The following GPC5 variants were observed in gnomAD, a reference collection of about 807,000 sequenced individuals.
GPC5 encodes the protein glypican-5.
A neutral mutation model predicts 53.9 loss-of-function variants in GPC5; 47 were observed. The observed-to-expected ratio is 0.87, with a 90% confidence interval of 0.69 to 1.11. The LOEUF is 1.11. GPC5 is among the 50% of genes most tolerant of loss of function. The probability of loss-of-function intolerance (pLI) is 0.00; values close to 1 mark genes in which losing one functional copy is unlikely to be tolerated. For missense variants in GPC5, 748 were observed against 713.1 expected (o/e 1.05, Z -0.56); for synonymous variants, 286 against 263.3 (o/e 1.09, Z -0.84).
chr13:92,559,330 A>ATGTGTGTG (rs5805755), intron 7 of GPC5, among the ~76,000 whole-genome samples: 46 of 143,122 alleles, frequency 3.2e-4, no homozygotes, highest in Non-Finnish European at 3.1e-4. Flanking sequence ...TAGTGTGTAT[A>ATGTGTGTG]TGTGTGTGTG....
rs189368084 is a variant in GPC5 at position 92,205,066 on chromosome 13, G to A, written c.1561+60077G>A. ...GCTATTTTTTTGTATTTTTAGTAGA[G>A]AAGGGGTTTCACCATGTTAGCTAAG... On this transcript the variant is annotated intron_variant, in intron 7 of 7. Transcript: ENST00000377067. Among the ~76,000 whole-genome samples the A allele has an allele frequency of 4.8e-3, 730 of 152,190 alleles. 5 individuals are homozygous for A. The highest frequency in any genetic ancestry group is 0.017 in the African/African-American group (699 of 41,540).
chr13:91,489,027 C>G (rs889083403), intron 2 of GPC5, among the ~76,000 whole-genome samples: 2 of 152,178 alleles, frequency 1.3e-5, no homozygotes, highest in Non-Finnish European at 2.9e-5. Context: ...CGAGGAAATT[C>G]CCACCTAATA....
At chr13:91,982,756 A>G (rs1594704750) in intron 6 of GPC5, among the ~76,000 whole-genome samples, 2 of 152,222 alleles carry the variant, frequency 1.3e-5, no homozygotes, top group South Asian at 4.1e-4. Context: ...CACAAGATTT[A>G]GTAATAGGAG....
intron 3 of GPC5, among the ~76,000 whole-genome samples, chr13:91,700,558 T>C (rs1471241429): frequency 6.6e-6 from 1 of 152,216 alleles, no homozygotes. Context: ...AGTTTATCCT[T>C]ATGGTGAAGG....
intron 7 of GPC5, among the ~76,000 whole-genome samples, chr13:92,301,934 A>T (rs1008908078): frequency 1.3e-5 from 2 of 152,014 alleles, no homozygotes; most frequent in Non-Finnish European, 2.9e-5. Flanking sequence ...ATTAATATCG[A>T]CCACAGCTCT....
intron 7 of GPC5, among the ~76,000 whole-genome samples, chr13:92,546,763 A>C (rs1882131217): frequency 6.6e-6 from 1 of 152,206 alleles, no homozygotes; most frequent in Non-Finnish European, 1.5e-5. Context: ...CCTGACTTCA[A>C]ACTATGCTAC....
intron 2 of GPC5, among the ~76,000 whole-genome samples, chr13:91,677,398 G>T (rs994061548): frequency 7.9e-5 from 12 of 152,150 alleles, no homozygotes; most frequent in Non-Finnish European, 1.6e-4. Context: ...TATGGAATTT[G>T]GTGCCTTAGC....
intron 3 of GPC5, among the ~76,000 whole-genome samples, chr13:91,703,773 G>T (rs1286951264): frequency 6.6e-6 from 1 of 151,988 alleles, no homozygotes; most frequent in African/African-American, 2.4e-5. Flanking sequence ...CCATTCATCT[G>T]GGATTTTATA....
chr13:91,634,355 G>A (rs1432505888), intron 2 of GPC5, among the ~76,000 whole-genome samples: 1 of 151,956 alleles, frequency 6.6e-6, no homozygotes, highest in East Asian at 1.9e-4. Context: ...TGGGGGAATG[G>A]GGGATGGTTA....
At position 92,307,809 on chromosome 13, in the gene GPC5, A is replaced by G. The variant is rs545122494; in HGVS notation, c.1561+162820A>G. On this transcript the variant is annotated intron_variant, in intron 7 of 7. Coordinates refer to ENST00000377067, the MANE Select transcript of GPC5 (RefSeq NM_004466.6). Reference sequence around the variant, plus strand: ...AAATCTAAAATAATATCCTCAAATTATATTCATATTACAGATGTGACTATA... The same window carrying G: ...AAATCTAAAATAATATCCTCAAATTGTATTCATATTACAGATGTGACTATA... Among the ~76,000 whole-genome samples, 8 of 152,388 alleles carry G rather than the reference A, an allele frequency of 5.2e-5. No individual in the cohort carries two copies. In the South Asian group the frequency reaches 1.4e-3, roughly 28 times the overall value.
intron 7 of GPC5, among the ~76,000 whole-genome samples, chr13:92,495,069 A>C (rs1879919272): frequency 1.3e-5 from 2 of 152,176 alleles, no homozygotes; most frequent in Non-Finnish European, 2.9e-5. Context: ...TTTCTTGGTT[A>C]TTGTGTGAAG....
intron 7 of GPC5, among the ~76,000 whole-genome samples, chr13:92,616,411 A>G (rs1172997127): frequency 6.6e-6 from 1 of 152,208 alleles, no homozygotes; most frequent in African/African-American, 2.4e-5. Flanking sequence ...GGTATGTAAT[A>G]AAGTGTGGAA....
At position 92,355,944 on chromosome 13, in the gene GPC5, T is replaced by C. The variant is rs146917852; in HGVS notation, c.1561+210955T>C. On this transcript the variant is annotated intron_variant, in intron 7 of 7. Transcript: ENST00000377067. ...GTTTTCCTCATTATTTTACTTAGAC[T>C]CACATCGTCTCTTTATGATCACTAC... Among the ~76,000 whole-genome samples, 840 of 150,106 alleles carry C rather than the reference T, an allele frequency of 5.6e-3. 9 individuals are homozygous for C. The highest frequency in any genetic ancestry group is 0.02 in the African/African-American group (803 of 40,890).
intron 5 of GPC5, among the ~76,000 whole-genome samples, chr13:91,786,578 C>G (rs1302517273): frequency 6.6e-6 from 1 of 152,074 alleles, no homozygotes; most frequent in African/African-American, 2.4e-5. Context: ...TGCCTTTCCA[C>G]TTTGTGTATG....
intron 2 of GPC5, among the ~76,000 whole-genome samples, chr13:91,571,488 G>A (rs2031777529): frequency 6.6e-6 from 1 of 151,918 alleles, no homozygotes; most frequent in Non-Finnish European, 1.5e-5. Flanking sequence ...AATTTTATGT[G>A]TAAAAATATA....
intron 7 of GPC5, among the ~76,000 whole-genome samples, chr13:92,833,890 G>C (rs1352124761): frequency 6.6e-6 from 1 of 152,094 alleles, no homozygotes; most frequent in Non-Finnish European, 1.5e-5. Flanking sequence ...AGAGAGGCAG[G>C]AACAAGATTA....
chr13:92,456,803 A>G (rs1272044576), intron 7 of GPC5, among the ~76,000 whole-genome samples: 1 of 152,090 alleles, frequency 6.6e-6, no homozygotes, highest in Non-Finnish European at 1.5e-5. Flanking sequence ...GGGTTTTTCA[A>G]TCTCAGCACT....
At chr13:92,671,656 G>A (rs962553885) in intron 7 of GPC5, among the ~76,000 whole-genome samples, 7 of 152,276 alleles carry the variant, frequency 4.6e-5, no homozygotes, top group African/African-American at 1.7e-4. Context: ...TAACAACAAC[G>A]AAAAGAGACT....
At chr13:92,560,856 T>C (rs1413819284) in intron 7 of GPC5, among the ~76,000 whole-genome samples, 1 of 134,662 alleles carries the variant, frequency 7.4e-6, no homozygotes, top group African/African-American at 2.8e-5. Context: ...TAGAAAATTA[T>C]ATGTGTGTGT....
Sources: gnomAD v4.1 joint callset for allele counts (sites outside exome capture counted in the v4.1 genomes callset) on GRCh38, gnomAD v4.1.1 for gene constraint, MANE v1.5 for transcripts, NCBI Gene and HGNC (gene_info 2026-07-23, HGNC 2026-07-21) for gene names.